The following CARMIL1 variants were observed in gnomAD, a reference collection of about 807,000 sequenced individuals.
CARMIL1 encodes the protein F-actin-uncapping protein LRRC16A.
Under a neutral mutation model 177.1 loss-of-function variants are expected in CARMIL1, and 90 were observed. The observed-to-expected ratio is 0.51, with a 90% CI of 0.43 to 0.61. The LOEUF (loss-of-function observed/expected upper bound fraction) is 0.61. Among genes scored for constraint, CARMIL1 ranks in the 20% least tolerant of loss-of-function variants. The pLI, the probability that CARMIL1 is intolerant of heterozygous loss-of-function variation, is 0.00. For missense variants in CARMIL1, 1,380 were observed against 1,667.0 expected, an observed-to-expected ratio of 0.83 and a Z score of 3.00; for synonymous variants, 577 against 606.2, an observed-to-expected ratio of 0.95 and a Z score of 0.71.
chr6:25,325,458 G>A (rs569845756), intron 2 of CARMIL1, among the ~76,000 whole-genome samples: 3 of 152,180 alleles, frequency 2.0e-5, no homozygotes, highest in Non-Finnish European at 4.4e-5. Context: ...TTGTGGAAAT[G>A]ATTTGTGTTC....
chr6:25,418,122 A>G (rs1208448751), intron 2 of CARMIL1, among the ~76,000 whole-genome samples: 1 of 152,152 alleles, frequency 6.6e-6, no homozygotes, highest in African/African-American at 2.4e-5. Flanking sequence ...GCAGAGCCAG[A>G]ATCTGAATGT....
rs959047374 is a variant in CARMIL1, at chr6:25,509,868, G to C, written c.1477+131G>C. On this transcript the variant is annotated intron_variant, in intron 18 of 36. Transcript: ENST00000329474. The surrounding 1 kb of genome is among the most constrained non-coding windows in gnomAD (Gnocchi z 4.1). ...ATTGTTTTTTATTTTTTGACTAATA[G>C]GGCTTTTAAATTTAACAATGGGGTA... 1.0e-4 allele frequency: 64 copies of C among 630,348 alleles called. No homozygotes were observed. Among genetic ancestry groups the C allele is most frequent in the Middle Eastern group, 8.5e-4 (2 of 2,348 alleles). 39.0% of individuals were successfully genotyped at this position (630,348 alleles called of 1,614,324 possible). A position where few individuals can be genotyped will look rare whatever the true frequency, so the allele number is the denominator to read the frequency against.
In CARMIL1 at chr6:25,500,764, TA is replaced by T. The variant is rs199709204; in HGVS notation, c.1395+530del. On this transcript the variant is annotated intron_variant, in intron 17 of 36. Transcript: ENST00000329474. Reference sequence around the variant, plus strand: ...AGACTAAAGTGTCTATATATTTATATATTTTTTTTTCTTCTTTTTTTGAGAT... The same window carrying T: ...AGACTAAAGTGTCTATATATTTATATTTTTTTTTTCTTCTTTTTTTGAGAT... 1.1e-4 allele frequency among the ~76,000 whole-genome samples: 16 copies of T among 151,758 alleles called. No homozygotes were observed. The East Asian group carries it at 1.6e-3, about 15-fold the overall frequency.
At chr6:25,332,739 G>GCACACA in intron 2 of CARMIL1, among the ~76,000 whole-genome samples, 1 of 56,940 alleles carries the variant, frequency 1.8e-5, no homozygotes, top group Middle Eastern at 0.016. Context: ...ATGCAAACAT[G>GCACACA]CATACACACA....
Position 25,515,671 on chromosome 6 carries a change from G to C in CARMIL1, c.1633-4G>C. 6.3e-7 allele frequency: 1 copy of C among 1,595,594 alleles called. No individual in the cohort carries two copies. ...CTGAGTGCCGTGTGTCATTTGCTCC[G>C]CAGCCTCTGCAGTCCTTGTCCCTGG... On this transcript the variant is annotated splice_polypyrimidine_tract_variant and splice_region_variant and intron_variant, in intron 20 of 36. Coordinates refer to ENST00000329474, the MANE Select transcript of CARMIL1 (RefSeq NM_017640.6). This position sits in a 1 kb window ranked among gnomAD's most constrained non-coding sequence, Gnocchi z 5.0.
At chr6:25,546,681 A>C (rs1175106094) in intron 26 of CARMIL1, among the ~76,000 whole-genome samples, 108 of 110,832 alleles carry the variant, frequency 9.7e-4, no homozygotes, top group African/African-American at 2.7e-3. Context: ...AAAAAAAAAA[A>C]AAAAAAAAAA....
chr6:25,579,673 GAAA>G (rs1178325320), intron 29 of CARMIL1, among the ~76,000 whole-genome samples: 1 of 152,026 alleles, frequency 6.6e-6, no homozygotes, highest in Non-Finnish European at 1.5e-5. Flanking sequence ...ACAAAACCTT[GAAA>G]AAAGCCAAAT....
rs536136760 is a variant in CARMIL1 at position 25,350,833 on chromosome 6, AG to A, written c.138+65925del. Reference sequence around the variant, plus strand: ...TTCATGTAACCTAAGGTTTAATGATAGACAGATATTAGCTTAGAGTATTCCC... The same window carrying A: ...TTCATGTAACCTAAGGTTTAATGATAACAGATATTAGCTTAGAGTATTCCC... On this transcript the variant is annotated intron_variant, in intron 2 of 36. Coordinates refer to ENST00000329474, the MANE Select transcript of CARMIL1 (RefSeq NM_017640.6). The A allele has an allele frequency of 3.2e-3, 481 of 152,328 alleles. 2 individuals carry two copies. The highest frequency in any genetic ancestry group is 0.01 in the African/African-American group (424 of 41,564). The allele number at this position is 152,328 out of a possible 1,614,324, so 9.4% of individuals were successfully genotyped here. A position where few individuals can be genotyped will look rare whatever the true frequency, so the allele number is the denominator to read the frequency against.
At chr6:25,602,479 C>T (rs77632081) in intron 33 of CARMIL1, among the ~76,000 whole-genome samples, 2 of 152,210 alleles carry the variant, frequency 1.3e-5, no homozygotes, top group East Asian at 3.9e-4. Context: ...TATTCATGTA[C>T]TTTGGATTTG....
At chr6:25,338,265 AAAAAT>A (rs1786488934) in intron 2 of CARMIL1, among the ~76,000 whole-genome samples, 2 of 70,826 alleles carry the variant, frequency 2.8e-5, no homozygotes, top group East Asian at 4.0e-4. Context: ...TCAAAAAAAA[AAAAAT>A]AAAATAAAAG....
At chr6:25,523,959 G>A (rs1269178844) in intron 23 of CARMIL1, among the ~76,000 whole-genome samples, 1 of 152,128 alleles carries the variant, frequency 6.6e-6, no homozygotes, top group Non-Finnish European at 1.5e-5. Flanking sequence ...CCCTTTCATG[G>A]GTTTTATTTC....
intron 5 of CARMIL1, among the ~76,000 whole-genome samples, chr6:25,442,188 T>C (rs1797834009): frequency 6.6e-6 from 1 of 151,330 alleles, no homozygotes; most frequent in Admixed American, 6.6e-5. Context: ...AAATAATCTA[T>C]AATTTTTTTG....
chr6:25,444,079 A>G (rs1199042770), intron 5 of CARMIL1, among the ~76,000 whole-genome samples: 2 of 152,202 alleles, frequency 1.3e-5, no homozygotes, highest in Non-Finnish European at 2.9e-5. Flanking sequence ...CTGGGATTAC[A>G]GGCATGAGCC....
intron 2 of CARMIL1, among the ~76,000 whole-genome samples, chr6:25,389,414 C>G (rs1792519626): frequency 6.6e-6 from 1 of 152,160 alleles, no homozygotes; most frequent in South Asian, 2.1e-4. Context: ...CTCCTGGACT[C>G]AAGCTATCCT....
intron 1 of CARMIL1, among the ~76,000 whole-genome samples, chr6:25,281,275 A>ATTAT (rs1205032551): frequency 1.3e-5 from 2 of 151,802 alleles, no homozygotes; most frequent in African/African-American, 4.8e-5. Context: ...GGAGGCTGCG[A>ATTAT]CCTTTCCAAC....
intron 2 of CARMIL1, among the ~76,000 whole-genome samples, chr6:25,357,506 C>T (rs1411008613): frequency 2.6e-5 from 4 of 152,108 alleles, no homozygotes; most frequent in Non-Finnish European, 5.9e-5. Context: ...ATCACTTGAA[C>T]CTGGGAAGCA....
intron 2 of CARMIL1, among the ~76,000 whole-genome samples, chr6:25,317,528 A>T (rs1420441523): frequency 1.4e-4 from 19 of 139,318 alleles, no homozygotes; most frequent in African/African-American, 4.8e-4. Context: ...TTTTTTTTTT[A>T]AACTATATGT....
chr6:25,300,323 A>G (rs961002740), intron 2 of CARMIL1, among the ~76,000 whole-genome samples: 3 of 152,198 alleles, frequency 2.0e-5, no homozygotes, highest in African/African-American at 7.2e-5. Flanking sequence ...GGTTCTCAAT[A>G]TTTGGTCCTG....
At chr6:25,399,142 A>G (rs969127210) in intron 2 of CARMIL1, among the ~76,000 whole-genome samples, 7 of 152,210 alleles carry the variant, frequency 4.6e-5, no homozygotes, top group African/African-American at 1.4e-4. Context: ...ATACTTTTTG[A>G]TACTTATGTA....
Sources: allele counts gnomAD v4.1 joint callset (sites outside exome capture counted in the v4.1 genomes callset), GRCh38; gene constraint gnomAD v4.1.1; non-coding constraint Gnocchi (gnomAD v3.1); transcripts MANE v1.5; gene names NCBI Gene and HGNC (gene_info 2026-07-23, HGNC 2026-07-21).